ATP8A2: variants seen among roughly 807,000 people sequenced by gnomAD.
ATP8A2 encodes phospholipid-transporting ATPase IB.
Under a neutral mutation model 165.6 loss-of-function variants are expected in ATP8A2, and 100 were observed. That is an observed-to-expected ratio of 0.60 (90% CI 0.51 to 0.71). The LOEUF is 0.71. Ranked by LOEUF, ATP8A2 falls within the 30% of genes least tolerant of loss-of-function variation. The pLI is 0.00. For synonymous variants in ATP8A2, 543 were observed against 548.8 expected, an observed-to-expected ratio of 0.99 and a Z score of 0.15; for missense variants, 1,227 against 1,479.5, an observed-to-expected ratio of 0.83 and a Z score of 2.80.
At chr13:25,378,635 T>G (rs1359911959) in intron 1 of ATP8A2, among the ~76,000 whole-genome samples, 1 of 152,212 alleles carries the variant, frequency 6.6e-6, no homozygotes, top group Non-Finnish European at 1.5e-5. Context: ...TTTTTTTCTT[T>G]TTAGCATCTG....
intron 33 of ATP8A2, among the ~76,000 whole-genome samples, chr13:25,894,334 A>G (rs1479645744): frequency 6.6e-6 from 1 of 152,214 alleles, no homozygotes; most frequent in Admixed American, 6.5e-5. Context: ...ATCAAAGATC[A>G]GATAGTTGTA....
intron 25 of ATP8A2, among the ~76,000 whole-genome samples, chr13:25,740,375 A>G (rs554644286): frequency 2.2e-4 from 33 of 151,556 alleles, no homozygotes; most frequent in African/African-American, 7.0e-4. Context: ...AGCAGTGTTT[A>G]TTTTTCATTT....
In ATP8A2 at chr13:25,559,780, G is replaced by A. The variant is rs751712881; in HGVS notation, c.1397+15G>A. The A allele has an allele frequency of 6.3e-7, 1 of 1,595,058 alleles. No individual in the cohort carries two copies. The highest frequency in any genetic ancestry group is 1.1e-5 in the South Asian group (1 of 90,572). On this transcript the variant is annotated intron_variant, in intron 15 of 36. Coordinates refer to ENST00000381655, the MANE Select transcript of ATP8A2 (RefSeq NM_016529.6). ...GATGACTTCTGGTAAGTAGATTCTA[G>A]CACTTCTTGACACTTTAGTGGAAAA...
In ATP8A2 at chr13:26,019,905, CAAG is replaced by C; in HGVS notation, c.3493_3495del (p.Glu1165del). On this transcript the variant is annotated inframe_deletion, in exon 37 of 37. Coordinates refer to ENST00000381655, the MANE Select transcript of ATP8A2 (RefSeq NM_016529.6). ...ACTTTCAGATGGGTATGCTTTTTCT[CAAG>C]AAGAACACGGAGCTGTTAGTCAGGA... The C allele has an allele frequency of 1.2e-6, 2 of 1,613,720 alleles. No individual in the cohort carries two copies. The highest frequency in any genetic ancestry group is 1.7e-6 in the Non-Finnish European group (2 of 1,179,618).
intron 30 of ATP8A2, among the ~76,000 whole-genome samples, chr13:25,857,937 T>C (rs1952220693): frequency 6.6e-6 from 1 of 152,216 alleles, no homozygotes; most frequent in Admixed American, 6.5e-5. Flanking sequence ...TAAGGTTTTA[T>C]GTCCTGTCTC....
intron 24 of ATP8A2, among the ~76,000 whole-genome samples, chr13:25,638,354 C>T (rs2041425920): frequency 6.6e-6 from 1 of 152,038 alleles, no homozygotes; most frequent in Non-Finnish European, 1.5e-5. Context: ...AGCTAAAAAC[C>T]TTGAAAAAAG....
At chr13:25,867,154 TTTC>T (rs1392475358) in intron 33 of ATP8A2, among the ~76,000 whole-genome samples, 1 of 151,940 alleles carries the variant, frequency 6.6e-6, no homozygotes, top group African/African-American at 2.4e-5. Context: ...TTTTTTTTTT[TTTC>T]ATTCTAAATA....
At chr13:25,726,477 T>G (rs2043496301) in intron 25 of ATP8A2, among the ~76,000 whole-genome samples, 1 of 152,242 alleles carries the variant, frequency 6.6e-6, no homozygotes, top group South Asian at 2.1e-4. Flanking sequence ...TCCTAGTAGA[T>G]GCTGGATTCT....
chr13:25,753,877 G>A (rs935862711), intron 25 of ATP8A2, among the ~76,000 whole-genome samples: 1 of 152,172 alleles, frequency 6.6e-6, no homozygotes, highest in African/African-American at 2.4e-5. Flanking sequence ...ATAGAAAATG[G>A]CTATTTCCTA....
intron 17 of ATP8A2, among the ~76,000 whole-genome samples, 170 bp from the exon 18 acceptor site, chr13:25,571,439 AC>A (rs2039465342): frequency 6.6e-6 from 1 of 152,154 alleles, no homozygotes; most frequent in South Asian, 2.1e-4. Context: ...TCATTTCAGA[AC>A]CCTGGTGGTA....
chr13:25,567,472 T>C (rs897836521), intron 16 of ATP8A2: 9 of 447,064 alleles, frequency 2.0e-5, no homozygotes, highest in African/African-American at 1.8e-4. Flanking sequence ...CTTTTTAGTT[T>C]AGTGGGAAAG....
chr13:25,514,120 T>C (rs1184800695), intron 2 of ATP8A2, among the ~76,000 whole-genome samples: 1 of 152,240 alleles, frequency 6.6e-6, no homozygotes, highest in Non-Finnish European at 1.5e-5. Flanking sequence ...TTTGGAAAAT[T>C]TGCTTAGCTT....
At chr13:25,860,142 A>G in intron 30 of ATP8A2, 53 bp from the exon 31 acceptor site, 2 of 1,185,300 alleles carry the variant, frequency 1.7e-6, no homozygotes, top group Middle Eastern at 3.8e-4. Flanking sequence ...TGAGTTAAAT[A>G]GGTGGCCATG....
intron 2 of ATP8A2, among the ~76,000 whole-genome samples, chr13:25,481,846 G>T (rs747575535): frequency 1.3e-5 from 2 of 152,130 alleles, no homozygotes; most frequent in Non-Finnish European, 2.9e-5. Flanking sequence ...AGAGCTCTCT[G>T]TCTCTAATAA....
chr13:26,001,903 T>C (rs1422015243), intron 35 of ATP8A2, among the ~76,000 whole-genome samples: 3 of 152,252 alleles, frequency 2.0e-5, no homozygotes, highest in African/African-American at 7.2e-5. Context: ...TTTTATTTTG[T>C]TACTTGCATT....
At chr13:25,685,774 T>C (rs550651643) in intron 24 of ATP8A2, among the ~76,000 whole-genome samples, 5 of 152,246 alleles carry the variant, frequency 3.3e-5, no homozygotes, top group South Asian at 2.1e-4. Flanking sequence ...TTGGTTCTTA[T>C]TCAGATGGAG....
intron 35 of ATP8A2, among the ~76,000 whole-genome samples, chr13:26,002,820 G>A (rs1216340967): frequency 1.3e-5 from 2 of 149,660 alleles, no homozygotes; most frequent in African/African-American, 4.9e-5. Flanking sequence ...ACGATAGGAT[G>A]TCCTTTTTAA....
At chr13:25,883,627 A>T (rs1345280693) in intron 33 of ATP8A2, among the ~76,000 whole-genome samples, 1 of 152,154 alleles carries the variant, frequency 6.6e-6, no homozygotes, top group Non-Finnish European at 1.5e-5. Flanking sequence ...ATGACTAGAG[A>T]GACAGTCTGG....
In ATP8A2 at chr13:25,740,308, C is replaced by CAA. The variant is rs1229327243; in HGVS notation, c.2385-28718_2385-28717dup. 4.6e-3 allele frequency among the ~76,000 whole-genome samples: 310 copies of CAA among 67,212 alleles called. 3 individuals carry two copies. The highest frequency in any genetic ancestry group is 0.012 in the African/African-American group (203 of 17,090). The allele number at this position is 67,212 out of a possible 152,430, so 44.1% of individuals were successfully genotyped here. ...TGGGGGACAGAGCAAGGCTCTATCT[C>CAA]AAAAAAAAAAAAAAAAAAAAAGAGA... is the stretch of plus-strand genomic sequence containing the variant. On this transcript the variant is annotated intron_variant, in intron 25 of 36. Transcript: ENST00000381655.
Sources: gnomAD v4.1 joint callset for allele counts (sites outside exome capture counted in the v4.1 genomes callset) on GRCh38, gnomAD v4.1.1 for gene constraint, MANE v1.5 for transcripts, NCBI Gene and HGNC (gene_info 2026-07-23, HGNC 2026-07-21) for gene names.